CD109: variants seen among roughly 807,000 people sequenced by gnomAD.
CD109 encodes the protein CD109 molecule, also known as CD109 antigen.
In CD109, 149 loss-of-function variants were observed where a neutral mutation model predicts 165.8. The ratio of observed to expected loss-of-function variants is 0.90; its 90% CI spans 0.79 to 1.03. The LOEUF (loss-of-function observed/expected upper bound fraction) is 1.03. Among genes scored for constraint, CD109 ranks in the 50% least tolerant of loss-of-function variants. The probability of loss-of-function intolerance (pLI) is 0.00; values close to 1 mark genes in which losing one functional copy is unlikely to be tolerated. For synonymous variants in CD109, 585 were observed against 592.1 expected (o/e 0.99, Z 0.18); for missense variants, 1,712 against 1,677.8 (o/e 1.02, Z -0.36).
rs967865867 is a variant in CD109, at chr6:73,710,313, G to A, written c.247+12741G>A. ...TACACCAATAACAGACAAACAGAGA[G>A]CCAAATCATGAGTGAACTCCCATTC... On this transcript the variant is annotated intron_variant, in intron 2 of 32. Transcript: ENST00000287097. 5.9e-5 allele frequency among the ~76,000 whole-genome samples: 9 copies of A among 152,108 alleles called. 1 individual carries two copies. Among genetic ancestry groups the A allele is most frequent in the Admixed American group, 5.9e-4 (9 of 15,264 alleles).
At position 73,728,903 on chromosome 6, in the gene CD109, C is replaced by T. The variant is rs181820565; in HGVS notation, c.277-1441C>T. ...TAAATTAAACTTTTATTACTTCTCA[C>T]AGTCTTTGTGGGTGAAGAATTGGGA... is the stretch of plus-strand genomic sequence containing the variant. On this transcript the variant is annotated intron_variant, in intron 3 of 32. Coordinates refer to ENST00000287097, the MANE Select transcript of CD109 (RefSeq NM_133493.5). Among the ~76,000 whole-genome samples the T allele has an allele frequency of 2.6e-3, 403 of 152,346 alleles. 1 individual carries two copies. Among genetic ancestry groups the T allele is most frequent in the African/African-American group, 9.0e-3 (376 of 41,570 alleles).
At position 73,759,370 on chromosome 6, in the gene CD109, C is replaced by T. The variant is rs554887536; in HGVS notation, c.758+342C>T. 2.8e-4 allele frequency among the ~76,000 whole-genome samples: 43 copies of T among 151,634 alleles called. No homozygotes were observed. In the South Asian group the frequency reaches 8.7e-3, roughly 31 times the overall value. ...TTTTTTTCCTTTATAGAGATGGGGT[C>T]TTGCCATTTTCTCCAGGCTGGTCTT... On this transcript the variant is annotated intron_variant, in intron 7 of 32. Coordinates refer to ENST00000287097, the MANE Select transcript of CD109 (RefSeq NM_133493.5).
intron 15 of CD109, among the ~76,000 whole-genome samples, chr6:73,776,585 C>G (rs1488330126): frequency 1.9e-5 from 2 of 105,896 alleles, no homozygotes; most frequent in Non-Finnish European, 3.6e-5. Context: ...TTTGACAGAG[C>G]CTTGATCTGT....
intron 4 of CD109, among the ~76,000 whole-genome samples, chr6:73,732,506 T>C (rs998582789): frequency 1.2e-4 from 18 of 152,302 alleles, no homozygotes; most frequent in African/African-American, 4.1e-4. Context: ...CTGAGCAGAG[T>C]TGAACTGACT....
At chr6:73,738,001 A>T (rs1772611755) in intron 5 of CD109, among the ~76,000 whole-genome samples, 1 of 152,040 alleles carries the variant, frequency 6.6e-6, no homozygotes, top group Admixed American at 6.6e-5. Flanking sequence ...TAAGGACTTT[A>T]TGGCTGTGAT....
intron 4 of CD109, 119 bp downstream of exon 4, chr6:73,730,693 C>G (rs914823988): frequency 1.2e-5 from 8 of 675,306 alleles, no homozygotes; most frequent in African/African-American, 1.8e-5. Flanking sequence ...ATAAGCTTCC[C>G]TCCCAACATG....
At position 73,787,217 on chromosome 6, in the gene CD109, T is replaced by C. The variant is rs147208851; in HGVS notation, c.2338-17T>C. 1.5e-4 allele frequency: 224 copies of C among 1,538,460 alleles called. No homozygotes were observed. Among genetic ancestry groups the C allele is most frequent in the Middle Eastern group, 1.2e-3 (7 of 5,888 alleles). On this transcript the variant is annotated splice_polypyrimidine_tract_variant and intron_variant, in intron 20 of 32. Coordinates refer to ENST00000287097, the MANE Select transcript of CD109 (RefSeq NM_133493.5). The stretch of plus-strand genomic sequence containing the variant: ...GCATCTATTATACAAAAGCTTTGAT[T>C]TATTTTTTTCTTTCAGGTTAAGGTA...
Position 73,808,240 on chromosome 6 carries a change from A to G in CD109, c.3347A>G (p.Glu1116Gly), listed in dbSNP as rs767994062. The change falls in exon 26 of 33, where the codon GAA (glutamate) becomes GGA (glycine). Residue 1116 changes from glutamate to glycine, a missense_variant. Coordinates refer to ENST00000287097, the MANE Select transcript of CD109 (RefSeq NM_133493.5). ...TTGAATATGCTGACTTGGAGAGCAG[A>G]ACAAGAAGGTAATGTGCTGGGCCCA... The part of the protein sequence containing the change: ...EALNMLTWRA[E>G]QEGGMQFWVS... 4.3e-5 allele frequency: 70 copies of G among 1,612,346 alleles called. No homozygotes were observed. The highest frequency in any genetic ancestry group is 5.7e-5 in the Non-Finnish European group (67 of 1,179,284).
intron 5 of CD109, among the ~76,000 whole-genome samples, chr6:73,750,982 A>G (rs147648070): frequency 0.011 from 1,602 of 152,216 alleles, 20 homozygotes; most frequent in Non-Finnish European, 0.017. Context: ...AGTAATTAAT[A>G]TGTCCAGTCT....
the CD109 span, among the ~76,000 whole-genome samples, chr6:73,685,147 C>G: frequency 6.6e-6 from 1 of 151,942 alleles, no homozygotes; most frequent in African/African-American, 2.4e-5. Context: ...CATGATCCAC[C>G]CGCCTCAGCC....
At chr6:73,754,702 G>A (rs1417595734) in intron 5 of CD109, among the ~76,000 whole-genome samples, 1 of 152,140 alleles carries the variant, frequency 6.6e-6, no homozygotes, top group Non-Finnish European at 1.5e-5. Context: ...TAACAGGTTG[G>A]CACCCTAAGG....
chr6:73,734,019 G>A (rs905329702), intron 4 of CD109, among the ~76,000 whole-genome samples: 1 of 152,170 alleles, frequency 6.6e-6, no homozygotes, highest in Non-Finnish European at 1.5e-5. Flanking sequence ...CTGTGACGGG[G>A]GTATTGCTCA....
At chr6:73,739,900 C>T (rs1038626792) in intron 5 of CD109, among the ~76,000 whole-genome samples, 7 of 152,210 alleles carry the variant, frequency 4.6e-5, no homozygotes, top group African/African-American at 1.7e-4. Flanking sequence ...ACAGGGTTGT[C>T]GTCTGTCACT....
chr6:73,725,511 T>TTTTTC (rs1481289718), intron 3 of CD109, among the ~76,000 whole-genome samples: 2 of 142,600 alleles, frequency 1.4e-5, no homozygotes, highest in Non-Finnish European at 3.1e-5. Flanking sequence ...CTTCTTTTTT[T>TTTTTC]TTTTTTTTTT....
intron 5 of CD109, 104 bp downstream of exon 5, chr6:73,736,612 A>T (rs1772555989): frequency 1.0e-6 from 1 of 952,436 alleles, no homozygotes; most frequent in South Asian, 1.9e-5. Flanking sequence ...AAAAAAATTA[A>T]TGTGAACATT....
intron 5 of CD109, among the ~76,000 whole-genome samples, chr6:73,740,118 A>G (rs572012685): frequency 1.5e-3 from 223 of 152,246 alleles, no homozygotes; most frequent in Non-Finnish European, 2.6e-3. Flanking sequence ...GACTCAAGCA[A>G]TCCTTCTGCC....
intron 5 of CD109, among the ~76,000 whole-genome samples, 176 bp from the exon 6 acceptor site, chr6:73,756,467 T>G (rs1388766123): frequency 6.6e-6 from 1 of 152,224 alleles, no homozygotes; most frequent in Non-Finnish European, 1.5e-5. Context: ...GGCTTCATGT[T>G]GCAGTTGTCT....
At chr6:73,778,773 T>A (rs1774360188) in intron 15 of CD109, among the ~76,000 whole-genome samples, 1 of 152,200 alleles carries the variant, frequency 6.6e-6, no homozygotes, top group Non-Finnish European at 1.5e-5. Flanking sequence ...TGTTTAATTT[T>A]ATGCTGGAAT....
chr6:73,713,404 T>C (rs1771606160), intron 2 of CD109, among the ~76,000 whole-genome samples: 1 of 152,000 alleles, frequency 6.6e-6, no homozygotes, highest in Admixed American at 6.6e-5. Context: ...GGGAAGAGTC[T>C]TTGTATTTTG....
Sources: allele counts gnomAD v4.1 joint callset (sites outside exome capture counted in the v4.1 genomes callset), GRCh38; gene constraint gnomAD v4.1.1; transcripts MANE v1.5; gene names NCBI Gene and HGNC (gene_info 2026-07-23, HGNC 2026-07-21).